SEMA3D: variants seen among roughly 807,000 people sequenced by gnomAD.
SEMA3D encodes semaphorin-3D.
SEMA3D carries 84 observed loss-of-function variants against 100.1 expected under a neutral mutation model. That is an observed-to-expected ratio of 0.84 (90% CI 0.70 to 1.01). The LOEUF (loss-of-function observed/expected upper bound fraction) is 1.01. Ranked by LOEUF, SEMA3D falls within the 50% of genes least tolerant of loss-of-function variation. SEMA3D has a pLI of 0.00. For synonymous variants in SEMA3D, 312 were observed against 320.7 expected (o/e 0.97, Z 0.29); for missense variants, 875 against 934.1 (o/e 0.94, Z 0.82).
intron 3 of SEMA3D, among the ~76,000 whole-genome samples, chr7:85,108,029 T>C (rs899309975): frequency 6.6e-6 from 1 of 152,054 alleles, no homozygotes; most frequent in Non-Finnish European, 1.5e-5. Flanking sequence ...ATATGCTTCA[T>C]TGAATAAATT....
At chr7:85,212,451 G>A in the SEMA3D span, among the ~76,000 whole-genome samples, 2 of 152,122 alleles carry the variant, frequency 1.3e-5, no homozygotes, top group Non-Finnish European at 2.9e-5. Context: ...TATTTTTCCT[G>A]AAACAAATTG....
intron 12 of SEMA3D, among the ~76,000 whole-genome samples, chr7:85,033,345 G>C (rs576479747): frequency 3.2e-4 from 48 of 152,162 alleles, no homozygotes; most frequent in African/African-American, 1.1e-3. Context: ...TCACGTTTCA[G>C]AGAAGTGTCT....
intron 1 of SEMA3D, among the ~76,000 whole-genome samples, chr7:85,175,148 T>C: frequency 6.6e-6 from 1 of 152,180 alleles, no homozygotes; most frequent in Non-Finnish European, 1.5e-5. Context: ...AATGCGATTG[T>C]GATTTTTAAT....
intron 2 of SEMA3D, among the ~76,000 whole-genome samples, chr7:85,145,897 A>T (rs963010451): frequency 6.6e-6 from 1 of 152,158 alleles, no homozygotes; most frequent in African/African-American, 2.4e-5. Flanking sequence ...ATAAACTTTA[A>T]ATCATATCCA....
intron 9 of SEMA3D, among the ~76,000 whole-genome samples, chr7:85,044,714 A>G (rs1461520451): frequency 2.0e-4 from 31 of 152,072 alleles, no homozygotes; most frequent in Admixed American, 1.9e-3. Context: ...CCATATATAC[A>G]TATACATAAT....
At chr7:85,018,189 A>G in intron 15 of SEMA3D, 63 bp downstream of exon 15, 1 of 963,302 alleles carries the variant, frequency 1.0e-6, no homozygotes, top group Non-Finnish European at 1.7e-6. Flanking sequence ...TTTTTCAAAT[A>G]AAGTTTGATT....
rs573647924 is a variant in SEMA3D, at chr7:85,014,395, T to C, written c.1703+664A>G. ...TCCAGTTATTTTGCTATAAAAATAA[T>C]GCTGAAATAAACATTCTTGAACATA... On this transcript the variant is annotated intron_variant, in intron 16 of 18. Coordinates refer to ENST00000284136, the MANE Select transcript of SEMA3D (RefSeq NM_001384900.1). 2.6e-5 allele frequency among the ~76,000 whole-genome samples: 4 copies of C among 151,972 alleles called. No individual in the cohort carries two copies. In the South Asian group the frequency reaches 8.3e-4, roughly 31 times the overall value.
intron 4 of SEMA3D, among the ~76,000 whole-genome samples, chr7:85,086,608 GTC>G (rs745715031): frequency 9.4e-5 from 14 of 148,548 alleles, no homozygotes; most frequent in Non-Finnish European, 1.8e-4. Flanking sequence ...TATTTTTCTA[GTC>G]TCTTTCTCTC....
chr7:85,007,280 T>C (rs967052815), intron 17 of SEMA3D, among the ~76,000 whole-genome samples: 3 of 151,900 alleles, frequency 2.0e-5, no homozygotes, highest in African/African-American at 4.8e-5. Context: ...TTTAATACTT[T>C]TTTGTTAATA....
At chr7:85,090,558 G>A (rs1301971103) in intron 4 of SEMA3D, among the ~76,000 whole-genome samples, 3 of 152,134 alleles carry the variant, frequency 2.0e-5, no homozygotes. Flanking sequence ...AAAGACTGAT[G>A]ATTTTGTTTT....
At chr7:85,151,680 C>G in intron 2 of SEMA3D, 1 of 982,156 alleles carries the variant, frequency 1.0e-6, no homozygotes, top group Non-Finnish European at 1.2e-6. Flanking sequence ...AGTACTATTT[C>G]TTTCATATTC....
intron 18 of SEMA3D, among the ~76,000 whole-genome samples, chr7:85,006,224 G>C (rs1789792657): frequency 6.6e-6 from 1 of 151,846 alleles, no homozygotes; most frequent in African/African-American, 2.4e-5. Context: ...TGTTCACTTA[G>C]AAAATTGGGG....
chr7:85,244,357 A>G, the SEMA3D span, among the ~76,000 whole-genome samples: 2 of 152,120 alleles, frequency 1.3e-5, no homozygotes, highest in African/African-American at 4.8e-5. Flanking sequence ...TCATCTAAAC[A>G]TCTCCCACTA....
chr7:85,070,558 C>A (rs2116174548), intron 6 of SEMA3D, among the ~76,000 whole-genome samples: 1 of 152,246 alleles, frequency 6.6e-6, no homozygotes, highest in Admixed American at 6.5e-5. Context: ...ACAATGATTT[C>A]TTGGGACTAA....
chr7:85,028,894 GA>G, intron 12 of SEMA3D: 1 of 243,634 alleles, frequency 4.1e-6, no homozygotes. Context: ...ATCTTCAATG[GA>G]AAATAGCTGA....
chr7:85,232,670 G>A, the SEMA3D span, among the ~76,000 whole-genome samples: 1 of 152,010 alleles, frequency 6.6e-6, no homozygotes, highest in African/African-American at 2.4e-5. Context: ...GAAAGACTTA[G>A]GCTTCTCCTG....
chr7:85,034,950 C>T (rs1352582075), intron 12 of SEMA3D, among the ~76,000 whole-genome samples: 1 of 152,046 alleles, frequency 6.6e-6, no homozygotes, highest in Non-Finnish European at 1.5e-5. Flanking sequence ...CTACATGATG[C>T]AGCAATCCTA....
chr7:85,187,490 G>C (rs1335170334), upstream of SEMA3D, among the ~76,000 whole-genome samples: 1 of 152,166 alleles, frequency 6.6e-6, no homozygotes. Flanking sequence ...ATAGGGATGA[G>C]GAACAGGGAT....
At chr7:85,232,223 TA>T in the SEMA3D span, among the ~76,000 whole-genome samples, 1 of 152,302 alleles carries the variant, frequency 6.6e-6, no homozygotes, top group South Asian at 2.1e-4. Context: ...GCTAGGCCAA[TA>T]TTTTTTTGTG....
Sources: allele counts gnomAD v4.1 joint callset (sites outside exome capture counted in the v4.1 genomes callset), GRCh38; gene constraint gnomAD v4.1.1; transcripts MANE v1.5; gene names NCBI Gene and HGNC (gene_info 2026-07-23, HGNC 2026-07-21).